PARD3B: variants seen among roughly 807,000 people sequenced by gnomAD.
PARD3B encodes par-3 family cell polarity regulator beta.
Under a neutral mutation model 130.2 loss-of-function variants are expected in PARD3B, and 103 were observed. The ratio of observed to expected loss-of-function variants is 0.79; its 90% CI spans 0.67 to 0.93. PARD3B has a LOEUF of 0.93. PARD3B is among the 40% of genes least tolerant of loss of function. The pLI is 0.00. For missense variants in PARD3B, 1,609 were observed against 1,499.2 expected (o/e 1.07, Z -1.21); for synonymous variants, 583 against 553.2 (o/e 1.05, Z -0.76).
Position 205,380,897 on chromosome 2 carries a change from T to TATATC in PARD3B, c.2631-20112_2631-20111insCATAT, listed in dbSNP as rs1401726363. ...AGAATACATTATAATATATAAAGAATATATATAATATATAAAGAATATATA... is the reference window on the plus strand; with the variant it reads ...AGAATACATTATAATATATAAAGAATATATCATATATAATATATAAAGAATATATA... On this transcript the variant is annotated intron_variant, in intron 18 of 22. Coordinates refer to ENST00000406610, the MANE Select transcript of PARD3B (RefSeq NM_001302769.2). Among the ~76,000 whole-genome samples the TATATC allele has an allele frequency of 7.2e-4, 5 of 6,972 alleles. 1 individual carries two copies. The highest frequency in any genetic ancestry group is 3.4e-3 in the African/African-American group (5 of 1,482). 4.6% of individuals were successfully genotyped at this position (6,972 alleles called of 152,430 possible).
At chr2:204,663,598 AC>A (rs1323112148) in intron 1 of PARD3B, among the ~76,000 whole-genome samples, 1 of 152,208 alleles carries the variant, frequency 6.6e-6, no homozygotes, top group Non-Finnish European at 1.5e-5. Flanking sequence ...ACCTGGGCTT[AC>A]AAACTCCAGG....
At chr2:205,054,297 T>G (rs898693115) in intron 4 of PARD3B, among the ~76,000 whole-genome samples, 1 of 150,108 alleles carries the variant, frequency 6.7e-6, no homozygotes, top group Non-Finnish European at 1.5e-5. Flanking sequence ...AGGTGTGTGC[T>G]CCCCGATTTT....
Position 205,116,944 on chromosome 2 carries a change from G to A in PARD3B, c.681-1977G>A, listed in dbSNP as rs189394621. On this transcript the variant is annotated intron_variant, in intron 6 of 22. Coordinates refer to ENST00000406610, the MANE Select transcript of PARD3B (RefSeq NM_001302769.2). The surrounding 1 kb of genome is among the most constrained non-coding windows in gnomAD (Gnocchi z 4.5). ...CAGCTAAATTGCAACCCAGTGGCCC[G>A]AAAGAATTAATTCATCTCCCAAAAT... Among the ~76,000 whole-genome samples the A allele has an allele frequency of 1.7e-4, 26 of 152,218 alleles. No homozygotes were observed. Among genetic ancestry groups the A allele is most frequent in the African/African-American group, 5.3e-4 (22 of 41,538 alleles).
chr2:205,352,996 T>A lies in PARD3B; in HGVS notation c.2631-48017T>A, dbSNP rs1455537530. Reference sequence around the variant, plus strand: ...TTGAGACAAAAATCAGAATAGAATCTGCTTACCCTCAAAGCAATAGGTTTT... The same window carrying A: ...TTGAGACAAAAATCAGAATAGAATCAGCTTACCCTCAAAGCAATAGGTTTT... On this transcript the variant is annotated intron_variant, in intron 18 of 22. Coordinates refer to ENST00000406610, the MANE Select transcript of PARD3B (RefSeq NM_001302769.2). This position sits in a 1 kb window ranked among gnomAD's most constrained non-coding sequence, Gnocchi z 5.2. Among the ~76,000 whole-genome samples, 1 of 152,242 alleles carries A rather than the reference T, an allele frequency of 6.6e-6. No homozygotes were observed. Among genetic ancestry groups the A allele is most frequent in the Non-Finnish European group, 1.5e-5 (1 of 68,042 alleles).
At chr2:204,918,465 C>T (rs1007044510) in intron 2 of PARD3B, among the ~76,000 whole-genome samples, 5 of 151,790 alleles carry the variant, frequency 3.3e-5, no homozygotes, top group African/African-American at 1.2e-4. Context: ...CCCGTCTCTA[C>T]TAAAAATACA....
chr2:204,556,429 A>T (rs2030925852), intron 1 of PARD3B, among the ~76,000 whole-genome samples: 1 of 152,240 alleles, frequency 6.6e-6, no homozygotes. Context: ...ACACACGTGA[A>T]TAAGCCAGTT....
Position 205,172,264 on chromosome 2 carries a change from T to G in PARD3B, c.1674T>G (p.Leu558=). Residue 558 remains leucine, a synonymous_variant, in exon 12 of 23, where the codon CTT becomes CTG. Transcript: ENST00000406610. ...TGATTGCAGTTAATGGGGAATCTCT[T>G]TTGGGAAAGTCCAACCACGAAGCTA... The part of the protein sequence containing the change: ...DQLIAVNGES[L]LGKSNHEAME... 6.2e-7 allele frequency: 1 copy of G among 1,614,176 alleles called. No individual in the cohort carries two copies. Among genetic ancestry groups the G allele is most frequent in the South Asian group, 1.1e-5 (1 of 91,082 alleles).
intron 19 of PARD3B, among the ~76,000 whole-genome samples, chr2:205,402,266 C>T (rs2046278379): frequency 6.6e-6 from 1 of 152,210 alleles, no homozygotes; most frequent in African/African-American, 2.4e-5. Context: ...ATTCACCTGA[C>T]AGAGCTATCC....
intron 2 of PARD3B, among the ~76,000 whole-genome samples, chr2:204,692,809 C>G (rs888627633): frequency 1.3e-5 from 2 of 151,904 alleles, no homozygotes; most frequent in African/African-American, 4.8e-5. Flanking sequence ...GATTACTCTC[C>G]GCTTATAGAA....
chr2:205,379,885 T>C (rs2045245072), intron 18 of PARD3B, among the ~76,000 whole-genome samples: 1 of 151,462 alleles, frequency 6.6e-6, no homozygotes, highest in African/African-American at 2.4e-5. Flanking sequence ...TTGGCTAATA[T>C]GGTGAAACCC....
Position 205,047,678 on chromosome 2 carries a change from A to G in PARD3B, c.492A>G (p.Lys164=), listed in dbSNP as rs1234005215. 1 of 1,545,490 alleles carries G rather than the reference A, an allele frequency of 6.5e-7. No homozygotes were observed. Among genetic ancestry groups the G allele is most frequent in the East Asian group, 2.4e-5 (1 of 40,890 alleles). ...CACACCCTGGTGGCCAGAGTCTGAA[A>G]CTGGTTGTTCCAGTAGGTATCCTGC... ...SASHPGGQSL[K]LVVPDSTQNL... Residue 164 remains lysine (K), a synonymous_variant, in exon 4 of 23, where the codon AAA becomes AAG. Transcript: ENST00000406610.
intron 19 of PARD3B, among the ~76,000 whole-genome samples, chr2:205,412,928 T>C (rs937622751): frequency 6.6e-6 from 1 of 152,222 alleles, no homozygotes; most frequent in African/African-American, 2.4e-5. Context: ...AATGGGTATA[T>C]AACATCATAG....
intron 4 of PARD3B, among the ~76,000 whole-genome samples, 163 bp from the exon 5 acceptor site, chr2:205,104,263 A>G (rs928474198): frequency 1.3e-5 from 2 of 152,232 alleles, no homozygotes; most frequent in Non-Finnish European, 2.9e-5. Context: ...AGAACATTGA[A>G]AGCACAGAAA....
chr2:205,189,319 A>G (rs1410872872), intron 14 of PARD3B, among the ~76,000 whole-genome samples: 2 of 152,210 alleles, frequency 1.3e-5, no homozygotes, highest in African/African-American at 2.4e-5. Context: ...GTTCTTGAAC[A>G]TTCATTGTTG....
intron 1 of PARD3B, among the ~76,000 whole-genome samples, chr2:204,597,054 A>G (rs2033326801): frequency 6.6e-6 from 1 of 152,132 alleles, no homozygotes; most frequent in Admixed American, 6.6e-5. Flanking sequence ...TAAATTGTGT[A>G]AAGGCAGCAA....
chr2:205,145,796 T>A (rs1465536629), intron 10 of PARD3B, among the ~76,000 whole-genome samples: 1 of 139,470 alleles, frequency 7.2e-6, no homozygotes, highest in African/African-American at 2.6e-5. Context: ...GAATATGTTT[T>A]AACTTTAAAA....
rs183824251 is a variant in PARD3B, at chr2:204,774,271, T to G, written c.222+87989T>G. Among the ~76,000 whole-genome samples, 38 of 152,194 alleles carry G rather than the reference T, an allele frequency of 2.5e-4. No individual in the cohort carries two copies. The East Asian group carries it at 5.6e-3, about 22-fold the overall frequency. ...TTATGTATTTCTTTACTGTCTTCCTTCCATGAGAATCCACGCTCTGTGAGG... is the reference window on the plus strand; with the variant it reads ...TTATGTATTTCTTTACTGTCTTCCTGCCATGAGAATCCACGCTCTGTGAGG... On this transcript the variant is annotated intron_variant, in intron 2 of 22. Coordinates refer to ENST00000406610, the MANE Select transcript of PARD3B (RefSeq NM_001302769.2).
At chr2:204,628,150 ATTT>A (rs1370748443) in intron 1 of PARD3B, among the ~76,000 whole-genome samples, 1 of 151,984 alleles carries the variant, frequency 6.6e-6, no homozygotes, top group Non-Finnish European at 1.5e-5. Context: ...CTTGAGCAAA[ATTT>A]TTGGACTCTA....
chr2:205,442,440 T>C (rs909337375), intron 20 of PARD3B, among the ~76,000 whole-genome samples: 4 of 151,860 alleles, frequency 2.6e-5, no homozygotes, highest in Non-Finnish European at 5.9e-5. Flanking sequence ...GTAGCTGGGA[T>C]TACAGATGCC....
Sources: gnomAD v4.1 joint callset for allele counts (sites outside exome capture counted in the v4.1 genomes callset) on GRCh38, gnomAD v4.1.1 for gene constraint, Gnocchi (gnomAD v3.1) non-coding constraint, MANE v1.5 for transcripts, NCBI Gene and HGNC (gene_info 2026-07-23, HGNC 2026-07-21) for gene names.